IQCK: variants seen among roughly 807,000 people sequenced by gnomAD.
IQCK encodes IQ domain-containing protein K.
In IQCK, 29 loss-of-function variants were observed where a neutral mutation model predicts 28.1. The observed-to-expected ratio is 1.03, with a 90% CI of 0.77 to 1.41. The LOEUF (loss-of-function observed/expected upper bound fraction) is 1.41, where lower values mean the gene tolerates loss of function less well. IQCK is among the 40% of genes most tolerant of loss of function. The pLI is 0.00. For missense variants in IQCK, 359 were observed against 314.7 expected (o/e 1.14, Z -1.07); for synonymous variants, 113 against 115.1 (o/e 0.98, Z 0.12).
chr16:19,780,159 A>C (rs539855138), intron 6 of IQCK, among the ~76,000 whole-genome samples: 8 of 152,156 alleles, frequency 5.3e-5, no homozygotes, highest in Non-Finnish European at 1.0e-4. Flanking sequence ...CTCCTGCCTC[A>C]GCGTCCCAAG....
intron 4 of IQCK, among the ~76,000 whole-genome samples, chr16:19,752,834 G>A (rs1189150980): frequency 5.3e-5 from 8 of 152,246 alleles, no homozygotes; most frequent in East Asian, 3.9e-4. Flanking sequence ...AAAGTGTTGC[G>A]ATTACAGGTA....
chr16:19,755,600 A>G (rs1273716601), intron 4 of IQCK, among the ~76,000 whole-genome samples: 2 of 152,246 alleles, frequency 1.3e-5, no homozygotes, highest in African/African-American at 2.4e-5. Context: ...CCACATAACT[A>G]GAACCGGAAC....
At chr16:19,756,925 C>G (rs1292310821) in intron 4 of IQCK, among the ~76,000 whole-genome samples, 1 of 151,652 alleles carries the variant, frequency 6.6e-6, no homozygotes, top group Non-Finnish European at 1.5e-5. Flanking sequence ...GAAAGAGGCT[C>G]CAGACAGCTG....
intron 7 of IQCK, among the ~76,000 whole-genome samples, chr16:19,798,422 AT>A (rs368466762): frequency 0.069 from 7,365 of 106,170 alleles, 786 homozygotes; most frequent in South Asian, 0.22. Context: ...ATCACAAAAA[AT>A]ATATATATAT....
chr16:19,843,512 CAA>C (rs1250705688), intron 9 of IQCK, among the ~76,000 whole-genome samples: 2 of 152,214 alleles, frequency 1.3e-5, no homozygotes, highest in Non-Finnish European at 2.9e-5. Context: ...ACAATGTTTG[CAA>C]AGTTTATCCA....
chr16:19,808,819 C>T (rs1032409726), intron 7 of IQCK, among the ~76,000 whole-genome samples: 15 of 152,184 alleles, frequency 9.9e-5, no homozygotes, highest in Admixed American at 1.3e-4. Flanking sequence ...CCACCTAGTA[C>T]CCTGCCTGGG....
chr16:19,743,683 CA>C (rs2054868015), intron 4 of IQCK, among the ~76,000 whole-genome samples: 1 of 152,210 alleles, frequency 6.6e-6, no homozygotes, highest in African/African-American at 2.4e-5. Context: ...AGCCAAGACT[CA>C]AACCAAGAAT....
At chr16:19,818,380 A>G (rs988179390) in intron 7 of IQCK, among the ~76,000 whole-genome samples, 1 of 152,064 alleles carries the variant, frequency 6.6e-6, no homozygotes, top group Admixed American at 6.6e-5. Context: ...ACACATATAT[A>G]ACGTTTTACA....
At chr16:19,827,993 A>G (rs1597594452), downstream of IQCK, among the ~76,000 whole-genome samples, 1 of 151,728 alleles carries the variant, frequency 6.6e-6, no homozygotes, top group Non-Finnish European at 1.5e-5. Flanking sequence ...GTTCACTGCA[A>G]CCTCCGCCTT....
chr16:19,813,245 A>T (rs2055931267), intron 7 of IQCK, among the ~76,000 whole-genome samples: 1 of 152,272 alleles, frequency 6.6e-6, no homozygotes, highest in South Asian at 2.1e-4. Flanking sequence ...TAAGTCTAAT[A>T]GGAATTCCAG....
chr16:19,719,448 G>A (rs1286009596), intron 1 of IQCK, among the ~76,000 whole-genome samples: 1 of 151,674 alleles, frequency 6.6e-6, no homozygotes, highest in Admixed American at 6.6e-5. Context: ...AAAATTATCT[G>A]GGCGTGGTGG....
intron 6 of IQCK, among the ~76,000 whole-genome samples, chr16:19,770,617 G>A: frequency 9.2e-6 from 1 of 109,014 alleles, no homozygotes; most frequent in East Asian, 3.2e-4. Flanking sequence ...CTCTCTGACT[G>A]TTTCTCTTTT....
At chr16:19,826,592 G>T (rs904679182) in intron 7 of IQCK, among the ~76,000 whole-genome samples, 1 of 152,162 alleles carries the variant, frequency 6.6e-6, no homozygotes, top group African/African-American at 2.4e-5. Context: ...TGGCCAGGCT[G>T]GTCTCGAACT....
chr16:19,751,837 C>A (rs1434577933), intron 4 of IQCK, among the ~76,000 whole-genome samples: 1 of 152,054 alleles, frequency 6.6e-6, no homozygotes, highest in African/African-American at 2.4e-5. Flanking sequence ...CAAAGACTTG[C>A]CTTCTCCTTA....
Position 19,732,564 on chromosome 16 carries a change from G to A in IQCK, c.247-1134G>A, listed in dbSNP as rs535867646. Among the ~76,000 whole-genome samples, 5 of 152,268 alleles carry A rather than the reference G, an allele frequency of 3.3e-5. No individual in the cohort carries two copies. The South Asian group carries it at 8.3e-4, about 25-fold the overall frequency. ...AGTACTTCACTTCCCAAGCTCAAGCGATCTTCCCGCCTTTTCCTCCCAAAG... is the reference window on the plus strand; with the variant it reads ...AGTACTTCACTTCCCAAGCTCAAGCAATCTTCCCGCCTTTTCCTCCCAAAG... On this transcript the variant is annotated intron_variant, in intron 2 of 7. Coordinates refer to ENST00000564186, the Ensembl canonical transcript of IQCK.
chr16:19,803,230 C>T (rs1473039523), intron 7 of IQCK, among the ~76,000 whole-genome samples: 1 of 152,148 alleles, frequency 6.6e-6, no homozygotes, highest in Non-Finnish European at 1.5e-5. Flanking sequence ...GCAACCTCCA[C>T]CTCCCAGGTT....
intron 4 of IQCK, among the ~76,000 whole-genome samples, chr16:19,755,205 T>C (rs918145380): frequency 4.6e-5 from 7 of 152,202 alleles, no homozygotes; most frequent in Non-Finnish European, 5.9e-5. Context: ...TGATGTTCTA[T>C]GTGTATGCCA....
chr16:19,778,557 C>T (rs1239851551), intron 6 of IQCK, among the ~76,000 whole-genome samples: 1 of 151,592 alleles, frequency 6.6e-6, no homozygotes, highest in Admixed American at 6.6e-5. Flanking sequence ...CTCCAGAGGC[C>T]GAGGGGAGAG....
chr16:19,749,377 C>T (rs2054955376), intron 4 of IQCK, among the ~76,000 whole-genome samples: 1 of 152,154 alleles, frequency 6.6e-6, no homozygotes. Flanking sequence ...TATGCCCGTT[C>T]CTCTACCTAT....
Sources: gnomAD v4.1 joint callset for allele counts (sites outside exome capture counted in the v4.1 genomes callset) on GRCh38, gnomAD v4.1.1 for gene constraint, MANE v1.5 for transcripts, NCBI Gene and HGNC (gene_info 2026-07-23, HGNC 2026-07-21) for gene names.